The following PLA2G2D variants were observed in gnomAD, a reference collection of about 807,000 sequenced individuals.
PLA2G2D encodes the protein phospholipase A2 group IID, also known as group IID secretory phospholipase A2.
A neutral mutation model predicts 13.9 loss-of-function variants in PLA2G2D; 17 were observed. The ratio of observed to expected loss-of-function variants is 1.23; its 90% CI spans 0.84 to 1.84. The LOEUF (loss-of-function observed/expected upper bound fraction) is 1.84. PLA2G2D is among the 40% of genes most tolerant of loss of function. The pLI, the probability that PLA2G2D is intolerant of heterozygous loss-of-function variation, is 0.00. For synonymous variants in PLA2G2D, 83 were observed against 69.3 expected, an observed-to-expected ratio of 1.20 and a Z score of -0.98; for missense variants, 194 against 178.7, an observed-to-expected ratio of 1.09 and a Z score of -0.49.
rs148280789 is a variant in PLA2G2D at position 20,116,386 on chromosome 1, G to C, written c.132C>G (p.Tyr44Ter). Residue 44 changes from tyrosine (Y) to a stop codon, truncating the protein, a stop_gained, in exon 2 of 4, where the codon TAC becomes TAG. Coordinates refer to ENST00000375105, the MANE Select transcript of PLA2G2D (RefSeq NM_012400.4). LOFTEE classifies it high-confidence loss of function. ...TGCCACCTAGTCCGCAGTGACAGCC[G>C]TAGGGCCAGTAGGAGAGGATGGGCA... ...GKMPILSYWP[Y>*]GCHCGLGGRG... 3.7e-6 allele frequency: 6 copies of C among 1,614,020 alleles called. No individual in the cohort carries two copies. In the African/African-American group the frequency reaches 8.0e-5, roughly 22 times the overall value.
intron 1 of PLA2G2D, among the ~76,000 whole-genome samples, chr1:20,118,584 A>T (rs1353859118): frequency 6.6e-6 from 1 of 152,184 alleles, no homozygotes; most frequent in Non-Finnish European, 1.5e-5. Context: ...CTATTATTTA[A>T]GTTTACTCAA....
In PLA2G2D at chr1:20,119,168, G is replaced by A. The variant is rs62543906; in HGVS notation, c.40+291C>T. Among the ~76,000 whole-genome samples the A allele has an allele frequency of 3.6e-3, 548 of 152,308 alleles. 28 individuals are homozygous for A. In the East Asian group the frequency reaches 0.089, roughly 25 times the overall value. Reference sequence around the variant, plus strand: ...AGGGGTGAAGTGACCTGTGTCCAAAGCGTCATCATCATGGGCCCAGCAGAC... The same window carrying A: ...AGGGGTGAAGTGACCTGTGTCCAAAACGTCATCATCATGGGCCCAGCAGAC... On this transcript the variant is annotated intron_variant, in intron 1 of 3. Coordinates refer to ENST00000375105, the MANE Select transcript of PLA2G2D (RefSeq NM_012400.4).
chr1:20,117,439 C>T (rs1339089871), intron 1 of PLA2G2D, among the ~76,000 whole-genome samples: 1 of 152,072 alleles, frequency 6.6e-6, no homozygotes, highest in Admixed American at 6.5e-5. Context: ...TGTGGGTCTT[C>T]TGGGAGGCAG....
In PLA2G2D at chr1:20,114,149, G is replaced by A. The variant is rs756989161; in HGVS notation, c.403C>T (p.Arg135Trp). 18 of 1,613,694 alleles carry A rather than the reference G, an allele frequency of 1.1e-5. No individual in the cohort carries two copies. Among genetic ancestry groups the A allele is most frequent in the Admixed American group, 1.7e-5 (1 of 59,996 alleles). ...GGGGTCTGCCCCCGGCAGTGGGGCCGCCAGTAGAAACGCAGTCGCTTCTGG... is the reference window on the plus strand; with the variant it reads ...GGGGTCTGCCCCCGGCAGTGGGGCCACCAGTAGAAACGCAGTCGCTTCTGG... ...TYQKRLRFYW[R>W]PHCRGQTPGC The change falls in exon 4 of 4, where the codon CGG becomes TGG. Residue 135 changes from arginine to tryptophan, a missense_variant. Arg to Trp is a moderately radical substitution (Grantham distance 101). Coordinates refer to ENST00000375105, the MANE Select transcript of PLA2G2D (RefSeq NM_012400.4).
At chr1:20,118,303 A>AGT (rs2017028382) in intron 1 of PLA2G2D, among the ~76,000 whole-genome samples, 1 of 152,118 alleles carries the variant, frequency 6.6e-6, no homozygotes, top group East Asian at 1.9e-4. Context: ...TGCCATGTGA[A>AGT]AAATACATTC....
At chr1:20,118,631 C>T (rs2017033688) in intron 1 of PLA2G2D, among the ~76,000 whole-genome samples, 1 of 152,200 alleles carries the variant, frequency 6.6e-6, no homozygotes, top group South Asian at 2.1e-4. Flanking sequence ...GTCCCTCTAA[C>T]AGCCCTGTGA....
chr1:20,115,928 A>T (rs1404845996), intron 2 of PLA2G2D, among the ~76,000 whole-genome samples: 1 of 152,192 alleles, frequency 6.6e-6, no homozygotes, highest in Non-Finnish European at 1.5e-5. Flanking sequence ...CACAGCCTGT[A>T]AGTGGCAGAT....
intron 3 of PLA2G2D, 124 bp from the exon 4 acceptor site, chr1:20,114,383 C>T: frequency 1.0e-6 from 1 of 970,956 alleles, no homozygotes; most frequent in Non-Finnish European, 1.5e-6. Context: ...TCCCAGCAAC[C>T]TCGATTCTAG....
chr1:20,117,683 T>C (rs975928050), intron 1 of PLA2G2D, among the ~76,000 whole-genome samples: 6 of 152,066 alleles, frequency 3.9e-5, no homozygotes, highest in Admixed American at 2.6e-4. Flanking sequence ...GATTAGAGAA[T>C]GCAGGGAGCA....
intron 1 of PLA2G2D, among the ~76,000 whole-genome samples, chr1:20,118,055 G>A (rs1462138843): frequency 6.6e-6 from 1 of 152,118 alleles, no homozygotes; most frequent in Non-Finnish European, 1.5e-5. Context: ...CTGCACTGGT[G>A]AAGGATCCCG....
At chr1:20,114,508 A>C (rs571900737) in intron 3 of PLA2G2D, among the ~76,000 whole-genome samples, 1 of 152,306 alleles carries the variant, frequency 6.6e-6, no homozygotes, top group East Asian at 1.9e-4. Context: ...GCAGGAGAGG[A>C]CTGAACGATA....
intron 1 of PLA2G2D, 148 bp from the exon 2 acceptor site, chr1:20,116,625 A>G (rs923017304): frequency 5.8e-6 from 4 of 690,242 alleles, no homozygotes; most frequent in Non-Finnish European, 9.9e-6. Context: ...TACTGCTATT[A>G]AAAATATAGC....
chr1:20,116,745 C>T (rs1398265281), intron 1 of PLA2G2D, among the ~76,000 whole-genome samples: 1 of 152,032 alleles, frequency 6.6e-6, no homozygotes, highest in Admixed American at 6.6e-5. Context: ...GTTTGAGAGG[C>T]CAAGGTGGGC....
Position 20,111,958 on chromosome 1 carries a change from A to ATTTTATTTTATTTTG in PLA2G2D, c.*2155_*2156insCAAAATAAAATAAAA, listed in dbSNP as rs2100671179. Reference sequence around the variant, plus strand: ...ATTTTATTTTATTTTATTTTATTTTATTTTATTTTATTTTATTTTATTTTT... The same window carrying ATTTTATTTTATTTTG: ...ATTTTATTTTATTTTATTTTATTTTATTTTATTTTATTTTGTTTTATTTTATTTTATTTTATTTTT... On this transcript the variant is annotated 3_prime_UTR_variant, in exon 4 of 4. Coordinates refer to ENST00000375105, the MANE Select transcript of PLA2G2D (RefSeq NM_012400.4). 2 of 145,132 alleles carry ATTTTATTTTATTTTG rather than the reference A, an allele frequency of 1.4e-5. No individual in the cohort carries two copies. Among genetic ancestry groups the ATTTTATTTTATTTTG allele is most frequent in the African/African-American group, 5.1e-5 (2 of 39,580 alleles). 9.0% of individuals were successfully genotyped at this position (145,132 alleles called of 1,614,324 possible).
At position 20,119,511 on chromosome 1, in the gene PLA2G2D, G is replaced by C. The variant is rs767316090; in HGVS notation, c.-13C>G. ...GTGCAAGTTCCATGATCCCAGCACA[G>C]AGCAGTGGAGGCAGATGCTGGCAGT... On this transcript the variant is annotated 5_prime_UTR_variant, in exon 1 of 4. Transcript: ENST00000375105. 1 of 1,613,540 alleles carries C rather than the reference G, an allele frequency of 6.2e-7. No individual in the cohort carries two copies. The highest frequency in any genetic ancestry group is 2.2e-5 in the East Asian group (1 of 44,852).
At chr1:20,117,118 G>T (rs2017005732) in intron 1 of PLA2G2D, among the ~76,000 whole-genome samples, 1 of 152,118 alleles carries the variant, frequency 6.6e-6, no homozygotes, top group South Asian at 2.1e-4. Flanking sequence ...AAGATAGAAA[G>T]CTCCTGTATA....
chr1:20,118,454 G>A (rs956683695), intron 1 of PLA2G2D, among the ~76,000 whole-genome samples: 5 of 152,086 alleles, frequency 3.3e-5, no homozygotes, highest in African/African-American at 9.7e-5. Flanking sequence ...TTCTTGCCTG[G>A]GTAACTTTTC....
At chr1:20,118,022 AG>A (rs2017024274) in intron 1 of PLA2G2D, among the ~76,000 whole-genome samples, 1 of 152,146 alleles carries the variant, frequency 6.6e-6, no homozygotes, top group East Asian at 1.9e-4. Flanking sequence ...GACATGTACA[AG>A]AGAAGACTTG....
intron 3 of PLA2G2D, among the ~76,000 whole-genome samples, chr1:20,114,520 G>A (rs1429581597): frequency 1.3e-5 from 2 of 152,130 alleles, no homozygotes; most frequent in Admixed American, 6.5e-5. Flanking sequence ...TGAACGATAG[G>A]GACATGAGAG....
Sources: gnomAD v4.1 joint callset for allele counts (sites outside exome capture counted in the v4.1 genomes callset) on GRCh38, gnomAD v4.1.1 for gene constraint, MANE v1.5 for transcripts, NCBI Gene and HGNC (gene_info 2026-07-23, HGNC 2026-07-21) for gene names.